Variants in SNTG1 observed in about 807,000 individuals in gnomAD.
The protein encoded by SNTG1 is syntrophin gamma 1, also known as gamma-1-syntrophin.
A neutral mutation model predicts 74.7 loss-of-function variants in SNTG1; 39 were observed. The observed-to-expected ratio is 0.52, with a 90% CI of 0.40 to 0.68. The LOEUF is 0.68. Ranked by LOEUF, SNTG1 falls within the 30% of genes least tolerant of loss-of-function variation. SNTG1 has a pLI of 0.00. For missense variants in SNTG1, 685 were observed against 609.5 expected (o/e 1.12, Z -1.30); for synonymous variants, 254 against 217.1 (o/e 1.17, Z -1.49).
chr8:50,781,494 A>G (rs12675435), intron 18 of SNTG1, among the ~76,000 whole-genome samples: 13,982 of 152,024 alleles, frequency 0.092, 1,893 homozygotes, highest in African/African-American at 0.3. Context: ...TTGTTGGTTT[A>G]AAGTCTGTTT....
chr8:50,222,948 G>C lies in SNTG1; in HGVS notation c.-28+50313G>C, dbSNP rs192262672. Among the ~76,000 whole-genome samples, 849 of 151,982 alleles carry C rather than the reference G, an allele frequency of 5.6e-3. 15 individuals are homozygous for C. Among genetic ancestry groups the C allele is most frequent in the Non-Finnish European group, 4.1e-3 (281 of 67,992 alleles). ...AAAATAAATCACTCATAGGAGAAGGGGCAAGAAAACATGCCTGAAAATCAG... is the reference window on the plus strand; with the variant it reads ...AAAATAAATCACTCATAGGAGAAGGCGCAAGAAAACATGCCTGAAAATCAG... On this transcript the variant is annotated intron_variant, in intron 2 of 18. Coordinates refer to ENST00000642720, the MANE Select transcript of SNTG1 (RefSeq NM_018967.5).
chr8:50,357,271 C>A (rs543317384), intron 2 of SNTG1, among the ~76,000 whole-genome samples: 1 of 152,334 alleles, frequency 6.6e-6, no homozygotes, highest in South Asian at 2.1e-4. Flanking sequence ...GTCCAGTCTT[C>A]TACATCCCTG....
intron 2 of SNTG1, among the ~76,000 whole-genome samples, chr8:50,349,053 C>G (rs753630041): frequency 6.6e-6 from 1 of 152,120 alleles, no homozygotes; most frequent in African/African-American, 2.4e-5. Flanking sequence ...ATGAAGAATC[C>G]CCAACATTAA....
intron 18 of SNTG1, among the ~76,000 whole-genome samples, chr8:50,784,142 C>T (rs2095667972): frequency 6.6e-6 from 1 of 152,124 alleles, no homozygotes; most frequent in Non-Finnish European, 1.5e-5. Flanking sequence ...ACTGATCCCG[C>T]CCTGAGTAGG....
intron 2 of SNTG1, among the ~76,000 whole-genome samples, chr8:50,278,595 CT>C (rs540396644): frequency 3.9e-4 from 59 of 152,096 alleles, no homozygotes; most frequent in African/African-American, 1.3e-3. Context: ...TTAGTGACCC[CT>C]TTTAGTATTC....
chr8:50,605,332 C>T (rs1210471512), intron 13 of SNTG1, among the ~76,000 whole-genome samples: 1 of 152,112 alleles, frequency 6.6e-6, no homozygotes, highest in African/African-American at 2.4e-5. Context: ...GAATGTCAGT[C>T]CTTGTGGCTT....
At chr8:50,710,980 A>T (rs1198321008) in intron 17 of SNTG1, among the ~76,000 whole-genome samples, 2 of 152,186 alleles carry the variant, frequency 1.3e-5, no homozygotes, top group East Asian at 3.9e-4. Flanking sequence ...TCTACACATT[A>T]ATCAAGAAGG....
chr8:50,022,817 G>A (rs1585934006), intron 1 of SNTG1, among the ~76,000 whole-genome samples: 1 of 152,274 alleles, frequency 6.6e-6, no homozygotes, highest in East Asian at 1.9e-4. Context: ...GAAGGGTTGA[G>A]GGTGTGGACC....
At chr8:50,266,684 G>GTATATATATATA (rs1554623724) in intron 2 of SNTG1, among the ~76,000 whole-genome samples, 1 of 136,812 alleles carries the variant, frequency 7.3e-6, no homozygotes, top group Admixed American at 7.3e-5. Flanking sequence ...GTGTGTGTGT[G>GTATATATATATA]TATATATATA....
chr8:50,352,541 C>T (rs577878630), intron 2 of SNTG1, among the ~76,000 whole-genome samples: 30 of 152,160 alleles, frequency 2.0e-4, no homozygotes, highest in African/African-American at 7.0e-4. Flanking sequence ...CAGGCATGCG[C>T]CACCACACCT....
At chr8:50,528,585 T>G (rs952674909) in intron 9 of SNTG1, among the ~76,000 whole-genome samples, 1 of 151,906 alleles carries the variant, frequency 6.6e-6, no homozygotes, top group Admixed American at 6.5e-5. Context: ...TTTTCTTTTT[T>G]GCATATGTCC....
chr8:50,329,762 C>A (rs1291362180), intron 2 of SNTG1, among the ~76,000 whole-genome samples: 1 of 152,114 alleles, frequency 6.6e-6, no homozygotes. Flanking sequence ...GCATATGGCT[C>A]CTCCTTACTT....
chr8:50,186,948 G>A (rs1050341994), intron 2 of SNTG1, among the ~76,000 whole-genome samples: 5 of 152,040 alleles, frequency 3.3e-5, no homozygotes, highest in African/African-American at 4.8e-5. Flanking sequence ...TTGTCATGAA[G>A]TCTTTGCCCA....
chr8:49,949,085 A>G (rs879562183), intron 1 of SNTG1, among the ~76,000 whole-genome samples: 5 of 152,140 alleles, frequency 3.3e-5, no homozygotes, highest in African/African-American at 7.2e-5. Flanking sequence ...CTCACACTAC[A>G]CACCTTTAGT....
In SNTG1 at chr8:50,301,242, A is replaced by G. The variant is rs1584577; in HGVS notation, c.-27-92970A>G. 5.4e-3 allele frequency among the ~76,000 whole-genome samples: 817 copies of G among 152,176 alleles called. 10 individuals carry two copies. Among genetic ancestry groups the G allele is most frequent in the African/African-American group, 0.019 (783 of 41,538 alleles). ...ATGCTTGATGGTGTTCTAATGGACT[A>G]TGGGGCGCTTTATTTTTCTTTTTAC... On this transcript the variant is annotated intron_variant, in intron 2 of 18. Transcript: ENST00000642720.
chr8:50,553,094 G>T lies in SNTG1; in HGVS notation c.725G>T (p.Gly242Val). Residue 242 changes from glycine (G) to valine (V), a missense_variant, in exon 12 of 19, where the codon GGG becomes GTG. By Grantham distance (109) the Gly-to-Val change is moderately radical. Transcript: ENST00000642720. ...QVIAVDGVCT[G>V]IIQCLSAEDC... ...ATTGCTGTGGATGGGGTCTGCACTG[G>T]GATTATTCAGTGCCTCTCTGCTGAA... 1 of 1,613,794 alleles carries T rather than the reference G, an allele frequency of 6.2e-7. No individual in the cohort carries two copies. Among genetic ancestry groups the T allele is most frequent in the Non-Finnish European group, 8.5e-7 (1 of 1,179,790 alleles).
At chr8:50,524,420 G>A (rs2094204111) in intron 9 of SNTG1, among the ~76,000 whole-genome samples, 1 of 152,002 alleles carries the variant, frequency 6.6e-6, no homozygotes, top group Non-Finnish European at 1.5e-5. Context: ...ACCTAGGCAA[G>A]AAATAATCAT....
At chr8:50,731,383 A>G (rs1261968768) in intron 17 of SNTG1, among the ~76,000 whole-genome samples, 1 of 152,074 alleles carries the variant, frequency 6.6e-6, no homozygotes, top group Non-Finnish European at 1.5e-5. Context: ...AAATTGGCAT[A>G]TTTTTTTGAG....
intron 2 of SNTG1, among the ~76,000 whole-genome samples, chr8:50,343,648 T>G (rs2091385611): frequency 6.6e-6 from 1 of 152,300 alleles, no homozygotes; most frequent in African/African-American, 2.4e-5. Context: ...AAATGATTTA[T>G]TGTAGTGTAT....
Sources: gnomAD v4.1 joint callset for allele counts (sites outside exome capture counted in the v4.1 genomes callset) on GRCh38, gnomAD v4.1.1 for gene constraint, MANE v1.5 for transcripts, NCBI Gene and HGNC (gene_info 2026-07-23, HGNC 2026-07-21) for gene names.